PDE8B: variants seen among roughly 807,000 people sequenced by gnomAD.
PDE8B encodes the protein phosphodiesterase 8B, also known as high affinity cAMP-specific and IBMX-insensitive 3',5'-cyclic phosphodiesterase 8B.
PDE8B carries 26 observed loss-of-function variants against 101.3 expected under a neutral mutation model. The observed-to-expected ratio is 0.26, with a 90% confidence interval of 0.19 to 0.36. The LOEUF (loss-of-function observed/expected upper bound fraction) is 0.36, where lower values mean the gene tolerates loss of function less well. PDE8B is among the 10% of genes least tolerant of loss of function. The pLI is 1.00. For missense variants in PDE8B, 810 were observed against 1,163.1 expected (o/e 0.70, Z 4.42); for synonymous variants, 424 against 429.3 (o/e 0.99, Z 0.15).
chr5:77,360,072 C>A (rs1418012809), intron 10 of PDE8B, among the ~76,000 whole-genome samples: 6 of 147,822 alleles, frequency 4.1e-5, no homozygotes, highest in Non-Finnish European at 8.9e-5. Flanking sequence ...GCCTGGGTGA[C>A]ACAGCGAGAC....
At chr5:77,294,658 A>G (rs1768116826) in intron 1 of PDE8B, among the ~76,000 whole-genome samples, 1 of 151,808 alleles carries the variant, frequency 6.6e-6, no homozygotes, top group African/African-American at 2.4e-5. Flanking sequence ...TAGAAATAAA[A>G]GCAAAAAAAA....
chr5:77,093,268 AT>A, the PDE8B span, among the ~76,000 whole-genome samples: 1 of 152,100 alleles, frequency 6.6e-6, no homozygotes, highest in Non-Finnish European at 1.5e-5. Flanking sequence ...CATTTATTAT[AT>A]GTCTGTTCAG....
intron 10 of PDE8B, among the ~76,000 whole-genome samples, chr5:77,356,050 A>C (rs973087577): frequency 2.6e-5 from 4 of 152,244 alleles, no homozygotes; most frequent in Non-Finnish European, 5.9e-5. Flanking sequence ...CTGGTCCTGC[A>C]CAGAAAAAGG....
chr5:77,127,651 T>C, the PDE8B span, among the ~76,000 whole-genome samples: 1 of 151,940 alleles, frequency 6.6e-6, no homozygotes, highest in Non-Finnish European at 1.5e-5. Flanking sequence ...AGTCAGTTAA[T>C]TGGAGATGGA....
chr5:77,386,126 A>C (rs915616856), intron 10 of PDE8B, among the ~76,000 whole-genome samples: 1 of 152,118 alleles, frequency 6.6e-6, no homozygotes, highest in African/African-American at 2.4e-5. Flanking sequence ...ATTTCATTGC[A>C]CTGTGGTCTG....
chr5:77,335,884 CTT>C (rs552475291), intron 5 of PDE8B, among the ~76,000 whole-genome samples: 1 of 151,732 alleles, frequency 6.6e-6, no homozygotes, highest in African/African-American at 2.4e-5. Flanking sequence ...TTTTTACTTG[CTT>C]TTTTTTCTGA....
Position 77,358,973 on chromosome 5 carries a change from CTATT to C in PDE8B, c.1167+5570_1167+5573del, listed in dbSNP as rs768050342. Among the ~76,000 whole-genome samples the C allele has an allele frequency of 2.0e-4, 30 of 152,306 alleles. No individual in the cohort carries two copies. The East Asian group carries it at 5.6e-3, about 28-fold the overall frequency. On this transcript the variant is annotated intron_variant, in intron 10 of 21. Transcript: ENST00000264917. Reference sequence around the variant, plus strand: ...AGCTTTAGTACGTATTTACAAGAATCTATTTAAAGAAAGGCCTCTGATATTGCGA... The same window carrying C: ...AGCTTTAGTACGTATTTACAAGAATCTAAAGAAAGGCCTCTGATATTGCGA...
intron 1 of PDE8B, among the ~76,000 whole-genome samples, chr5:77,280,242 T>TG (rs1299489517): frequency 1.9e-4 from 29 of 152,180 alleles, no homozygotes; most frequent in Non-Finnish European, 2.9e-5. Flanking sequence ...CCGGAGCCTG[T>TG]GCATGGTGTC....
Position 77,367,154 on chromosome 5 carries a change from AACACAC to A in PDE8B, c.1167+13778_1167+13783del, listed in dbSNP as rs71736838. Among the ~76,000 whole-genome samples the A allele has an allele frequency of 7.6e-5, 11 of 144,840 alleles. No individual in the cohort carries two copies. In the East Asian group the frequency reaches 1.4e-3, roughly 19 times the overall value. ...GTATGCTAAAACATTGTTTTCTCAAAACACACACACACACACACACACACACACACA... is the reference window on the plus strand; with the variant it reads ...GTATGCTAAAACATTGTTTTCTCAAAACACACACACACACACACACACACA... On this transcript the variant is annotated intron_variant, in intron 10 of 21. Transcript: ENST00000264917.
chr5:77,125,281 G>A, the PDE8B span, among the ~76,000 whole-genome samples: 2 of 151,980 alleles, frequency 1.3e-5, no homozygotes, highest in Non-Finnish European at 2.9e-5. Context: ...GGATTACCAC[G>A]CCCCACTGTT....
At chr5:77,355,021 C>T (rs938297748) in intron 10 of PDE8B, among the ~76,000 whole-genome samples, 4 of 152,224 alleles carry the variant, frequency 2.6e-5, no homozygotes, top group African/African-American at 9.6e-5. Context: ...CTTGTGTGCC[C>T]ACACTGCCTG....
intron 10 of PDE8B, among the ~76,000 whole-genome samples, chr5:77,378,283 A>C (rs1047404258): frequency 6.6e-6 from 1 of 151,776 alleles, no homozygotes; most frequent in South Asian, 2.1e-4. Flanking sequence ...ACATGGTGAA[A>C]CCCTGTCTCT....
chr5:77,375,889 CTTTT>C lies in PDE8B; in HGVS notation c.1167+22500_1167+22503del, dbSNP rs70988668. On this transcript the variant is annotated intron_variant, in intron 10 of 21. Coordinates refer to ENST00000264917, the MANE Select transcript of PDE8B (RefSeq NM_003719.5). ...TAATACTCACTTTGTGCCTTGATTT[CTTTT>C]TTTTTTTTTTTTTTTTGAGGCGGAG... 1.1e-4 allele frequency among the ~76,000 whole-genome samples: 12 copies of C among 108,330 alleles called. No homozygotes were observed. In the East Asian group the frequency reaches 1.9e-3, roughly 17 times the overall value. The allele number at this position is 108,330 out of a possible 152,430, so 71.1% of individuals were successfully genotyped here.
At chr5:77,310,696 A>C (rs1040040344) in intron 1 of PDE8B, among the ~76,000 whole-genome samples, 1 of 152,082 alleles carries the variant, frequency 6.6e-6, no homozygotes, top group Non-Finnish European at 1.5e-5. Flanking sequence ...AGAACCCCCC[A>C]CAGAGGGCCA....
the PDE8B span, among the ~76,000 whole-genome samples, chr5:77,199,140 G>C: frequency 6.6e-6 from 1 of 152,128 alleles, no homozygotes; most frequent in African/African-American, 2.4e-5. Context: ...TCTTAAAAGT[G>C]AGAATTACTT....
chr5:77,423,632 G>GTTT (rs71594634), intron 20 of PDE8B, among the ~76,000 whole-genome samples: 2,059 of 73,844 alleles, frequency 0.028, 327 homozygotes, highest in South Asian at 0.036. Flanking sequence ...GTTTTGTTTA[G>GTTT]TTTTTTTTTT....
At chr5:77,133,571 A>G in the PDE8B span, among the ~76,000 whole-genome samples, 1 of 152,214 alleles carries the variant, frequency 6.6e-6, no homozygotes, top group African/African-American at 2.4e-5. Context: ...GATGATGGGC[A>G]CAAGAAAACT....
chr5:77,262,255 G>A (rs1384334829), intron 1 of PDE8B, among the ~76,000 whole-genome samples: 1 of 152,006 alleles, frequency 6.6e-6, no homozygotes, highest in Non-Finnish European at 1.5e-5. Flanking sequence ...TGAATGATTA[G>A]CTCACAGAGA....
chr5:77,309,943 C>CCCTTTT (rs1772186202), intron 1 of PDE8B, among the ~76,000 whole-genome samples: 4 of 114,142 alleles, frequency 3.5e-5, no homozygotes, highest in South Asian at 2.9e-4. Context: ...AATCATTAAT[C>CCCTTTT]TTTTTTTTTT....
Sources: allele counts gnomAD v4.1 joint callset (sites outside exome capture counted in the v4.1 genomes callset), GRCh38; gene constraint gnomAD v4.1.1; transcripts MANE v1.5; gene names NCBI Gene and HGNC (gene_info 2026-07-23, HGNC 2026-07-21).